Variants in PAICS observed in about 807,000 individuals in gnomAD.
PAICS encodes phosphoribosylaminoimidazole carboxylase and phosphoribosylaminoimidazolesuccinocarboxamide synthase.
PAICS carries 33 observed loss-of-function variants against 53.7 expected under a neutral mutation model. That is an observed-to-expected ratio of 0.61 (90% confidence interval 0.47 to 0.82). The LOEUF (loss-of-function observed/expected upper bound fraction) is 0.82. PAICS is among the 40% of genes least tolerant of loss of function. PAICS has a pLI of 0.00. For synonymous variants in PAICS, 141 were observed against 167.2 expected (o/e 0.84, Z 1.21); for missense variants, 394 against 494.1 (o/e 0.80, Z 1.92).
At chr4:56,446,556 TTA>T in intron 2 of PAICS, 137 bp from the exon 3 acceptor site, 1 of 631,948 alleles carries the variant, frequency 1.6e-6, no homozygotes, top group South Asian at 2.0e-5. Flanking sequence ...CGCATCTACA[TTA>T]AATAAAGAGA....
chr4:56,423,918 G>A, the PAICS span, among the ~76,000 whole-genome samples: 2 of 152,050 alleles, frequency 1.3e-5, no homozygotes, highest in Admixed American at 6.6e-5. Flanking sequence ...TCCGCTCTTA[G>A]GAAGAATGTA....
At chr4:56,433,383 C>A (rs1297298914), upstream of PAICS, among the ~76,000 whole-genome samples, 4 of 125,820 alleles carry the variant, frequency 3.2e-5, no homozygotes, top group African/African-American at 3.0e-5. Flanking sequence ...AACCAGGAAT[C>A]AAATGGTATT....
intron 7 of PAICS, among the ~76,000 whole-genome samples, chr4:56,452,969 A>G (rs552364557): frequency 8.7e-4 from 132 of 152,314 alleles, no homozygotes; most frequent in Non-Finnish European, 1.7e-3. Context: ...TTGATAGCTA[A>G]TGAATTCTAG....
chr4:56,413,739 T>C, the PAICS span, among the ~76,000 whole-genome samples: 1 of 151,746 alleles, frequency 6.6e-6, no homozygotes, highest in Admixed American at 6.6e-5. Flanking sequence ...CTACTAAAAA[T>C]ACAAAAAATT....
At position 56,450,778 on chromosome 4, in the gene PAICS, A is replaced by C; in HGVS notation, c.771+76A>C. 4 of 758,100 alleles carry C rather than the reference A, an allele frequency of 5.3e-6. No homozygotes were observed. The Admixed American group carries it at 6.8e-5, about 13-fold the overall frequency. 47.0% of individuals were successfully genotyped at this position (758,100 alleles called of 1,614,324 possible). ...AAATCTTGTTTCAAAAGAAAAAAAAATGGGAGAGTATAGTGCTTTTCTTTT... is the reference window on the plus strand; with the variant it reads ...AAATCTTGTTTCAAAAGAAAAAAAACTGGGAGAGTATAGTGCTTTTCTTTT... On this transcript the variant is annotated intron_variant, in intron 6 of 8. Coordinates refer to ENST00000512576, the MANE Select transcript of PAICS (RefSeq NM_001079524.2).
At position 56,453,717 on chromosome 4, in the gene PAICS, A is replaced by C; in HGVS notation, c.1067A>C (p.Asp356Ala). ...ATCAGCTGTCCTCCCCTCACACCAG[A>C]CTGGGGAGTTCAGGATGTGTGGTCT... ...PVISCPPLTP[D>A]WGVQDVWSSL... The change falls in exon 8 of 9, where the codon GAC (aspartate) becomes GCC (alanine). Residue 356 changes from aspartate to alanine, a missense_variant. Around this residue, in one of 3 missense-constraint regions of PAICS, gnomAD observed 95 missense variants for 89.3 expected, o/e 1.06. Coordinates refer to ENST00000512576, the MANE Select transcript of PAICS (RefSeq NM_001079524.2). The C allele has an allele frequency of 2.6e-6, 4 of 1,552,756 alleles. No homozygotes were observed. Among genetic ancestry groups the C allele is most frequent in the Non-Finnish European group, 3.5e-6 (4 of 1,146,598 alleles).
At chr4:56,429,608 C>T in the PAICS span, among the ~76,000 whole-genome samples, 1 of 152,216 alleles carries the variant, frequency 6.6e-6, no homozygotes, top group Non-Finnish European at 1.5e-5. Context: ...ATCACTGCAT[C>T]TCTCTGGATC....
At chr4:56,445,082 A>AT (rs1718537858) in intron 2 of PAICS, among the ~76,000 whole-genome samples, 1 of 151,520 alleles carries the variant, frequency 6.6e-6, no homozygotes, top group African/African-American at 2.4e-5. Flanking sequence ...CCCTCTTTTC[A>AT]TTTTTTCCTT....
chr4:56,436,743 C>T (rs1227831262), intron 1 of PAICS, among the ~76,000 whole-genome samples: 2 of 152,178 alleles, frequency 1.3e-5, no homozygotes, highest in Non-Finnish European at 2.9e-5. Flanking sequence ...GCCTGTAATC[C>T]CAGCACTTTG....
At chr4:56,446,194 C>A (rs1718606049) in intron 2 of PAICS, among the ~76,000 whole-genome samples, 2 of 152,170 alleles carry the variant, frequency 1.3e-5, no homozygotes, top group African/African-American at 4.8e-5. Context: ...AATTCAGTGG[C>A]ATTATGTGCA....
In PAICS at chr4:56,446,915, G is replaced by A. The variant is rs193255256; in HGVS notation, c.393+42G>A. On this transcript the variant is annotated intron_variant, in intron 3 of 8. Coordinates refer to ENST00000512576, the MANE Select transcript of PAICS (RefSeq NM_001079524.2). ...TCTGTTTTATGTCTTACTGTAACAC[G>A]GCAATAAATTTATAATTAGAAACTC... The A allele has an allele frequency of 3.9e-4, 458 of 1,170,840 alleles. 1 individual carries two copies. In the African/African-American group the frequency reaches 6.3e-3, roughly 16 times the overall value. 72.5% of individuals were successfully genotyped at this position (1,170,840 alleles called of 1,614,324 possible).
chr4:56,438,600 AT>A lies in PAICS; in HGVS notation c.16+2281del, dbSNP rs111645281. 2.2e-3 allele frequency among the ~76,000 whole-genome samples: 335 copies of A among 149,850 alleles called. 11 individuals carry two copies. The South Asian group carries it at 0.039, about 18-fold the overall frequency. On this transcript the variant is annotated intron_variant, in intron 1 of 8. Transcript: ENST00000512576. ...AGGCACACTCCACCACACCCGGCTA[AT>A]TTTTTTTTGTATTTTTTAGTAGAGT...
At chr4:56,412,432 C>A in the PAICS span, among the ~76,000 whole-genome samples, 2 of 152,016 alleles carry the variant, frequency 1.3e-5, no homozygotes, top group Non-Finnish European at 2.9e-5. Context: ...ACTCAGCCTC[C>A]TGAATAGCTG....
chr4:56,442,330 C>A (rs1419901770), intron 2 of PAICS, among the ~76,000 whole-genome samples: 2 of 152,212 alleles, frequency 1.3e-5, no homozygotes, highest in African/African-American at 4.8e-5. Context: ...CAAACCTTCT[C>A]CTCCTGCCAT....
At chr4:56,452,259 A>G (rs942623948) in intron 7 of PAICS, among the ~76,000 whole-genome samples, 1 of 152,082 alleles carries the variant, frequency 6.6e-6, no homozygotes, top group African/African-American at 2.4e-5. Flanking sequence ...GCTCACTGCA[A>G]GCTCCACCTC....
rs1016501778 is a variant in PAICS, at chr4:56,462,937, T to G, written c.*3399T>G. On this transcript the variant is annotated 3_prime_UTR_variant, in exon 9 of 9. Transcript: ENST00000512576. The stretch of plus-strand genomic sequence containing the variant: ...ATCGCTTGAACCTGGGAAGCGGAGG[T>G]TGTGGTGAGCCGAGGTTGCGCCATT... 1.1e-4 allele frequency: 16 copies of G among 151,640 alleles called. No individual in the cohort carries two copies. Among genetic ancestry groups the G allele is most frequent in the African/African-American group, 3.6e-4 (15 of 41,222 alleles). 9.4% of individuals were successfully genotyped at this position (151,640 alleles called of 1,614,324 possible).
the PAICS span, chr4:56,422,850 AG>A: frequency 1.3e-5 from 2 of 152,180 alleles, no homozygotes; most frequent in Non-Finnish European, 2.9e-5. Context: ...TTTTTCTCCA[AG>A]TGTAGCAGCA....
chr4:56,453,866 T>G (rs1719052102), intron 8 of PAICS, 105 bp downstream of exon 8: 2 of 692,564 alleles, frequency 2.9e-6, no homozygotes, highest in Admixed American at 2.7e-5. Flanking sequence ...ATGACCTAGC[T>G]TCAGCAATTA....
chr4:56,433,438 T>A (rs1717713682), upstream of PAICS, among the ~76,000 whole-genome samples: 2 of 134,618 alleles, frequency 1.5e-5, no homozygotes, highest in South Asian at 2.4e-4. Context: ...TAACCATGAA[T>A]ACCAAGTATT....
Sources: gnomAD v4.1 joint callset for allele counts (sites outside exome capture counted in the v4.1 genomes callset) on GRCh38, gnomAD v4.1.1 for gene constraint, gnomAD v4.1.1 regional missense constraint, MANE v1.5 for transcripts, NCBI Gene and HGNC (gene_info 2026-07-23, HGNC 2026-07-21) for gene names.